PCDHA7: variants seen among roughly 807,000 people sequenced by gnomAD.
PCDHA7 encodes protocadherin alpha-7.
In PCDHA7, 37 loss-of-function variants were observed where a neutral mutation model predicts 57.2. The ratio of observed to expected loss-of-function variants is 0.65; its 90% CI spans 0.50 to 0.85. The LOEUF (loss-of-function observed/expected upper bound fraction) is 0.85, where lower values mean the gene tolerates loss of function less well. Ranked by LOEUF, PCDHA7 falls within the 40% of genes least tolerant of loss-of-function variation. The probability of loss-of-function intolerance (pLI) is 0.00; values close to 1 mark genes in which losing one functional copy is unlikely to be tolerated. For missense variants in PCDHA7, 1,188 were observed against 1,241.8 expected (o/e 0.96, Z 0.65); for synonymous variants, 553 against 558.8 (o/e 0.99, Z 0.15).
At chr5:140,869,296 C>G (rs782726122) in intron 1 of PCDHA7, 2 of 1,613,602 alleles carry the variant, frequency 1.2e-6, no homozygotes, top group South Asian at 1.1e-5. Flanking sequence ...GCGCCTGTTC[C>G]GGGTGGCGTC....
intron 3 of PCDHA7, among the ~76,000 whole-genome samples, chr5:141,006,182 T>G (rs1388785445): frequency 1.3e-5 from 2 of 151,170 alleles, no homozygotes; most frequent in Non-Finnish European, 2.9e-5. Flanking sequence ...TTTAAAAGAG[T>G]TTGCTATATG....
intron 1 of PCDHA7, among the ~76,000 whole-genome samples, chr5:140,926,042 T>A (rs1316278838): frequency 2.0e-5 from 3 of 152,148 alleles, no homozygotes; most frequent in African/African-American, 7.2e-5. Context: ...CGGACACTAT[T>A]CCCCAACCTT....
At position 140,855,056 on chromosome 5, in the gene PCDHA7, G is replaced by A. The variant is rs1045590902; in HGVS notation, c.2355+18318G>A. The stretch of plus-strand genomic sequence containing the variant: ...GATTTTTCTGTAATAGTACTTTTCT[G>A]TTTTCTTAAATACAGAAACCACCAC... On this transcript the variant is annotated intron_variant, in intron 1 of 3. Coordinates refer to ENST00000525929, the MANE Select transcript of PCDHA7 (RefSeq NM_018910.3). Among the ~76,000 whole-genome samples, 11 of 149,630 alleles carry A rather than the reference G, an allele frequency of 7.4e-5. 2 individuals are homozygous for A. The highest frequency in any genetic ancestry group is 1.6e-4 in the Non-Finnish European group (11 of 66,976).
At chr5:140,875,685 C>G (rs563250653) in intron 1 of PCDHA7, 1 of 1,613,816 alleles carries the variant, frequency 6.2e-7, no homozygotes. Context: ...CCAAAAGACA[C>G]GGGGACCTTC....
At chr5:140,966,697 G>T (rs2096039921) in intron 1 of PCDHA7, 1 of 1,363,184 alleles carries the variant, frequency 7.3e-7, no homozygotes, top group Admixed American at 3.6e-5. Context: ...GCGGGGCCCG[G>T]GCGTGGGGCA....
Position 140,835,484 on chromosome 5 carries a change from C to A in PCDHA7, c.1101C>A (p.Thr367=), listed in dbSNP as rs2150236532. Residue 367 remains threonine, a synonymous_variant, in exon 1 of 4, where the codon ACC becomes ACA. Coordinates refer to ENST00000525929, the MANE Select transcript of PCDHA7 (RefSeq NM_018910.3). ...LPIPEDAQPG[T]VITLISVFDR... ...TTCCAGAGGACGCCCAACCAGGTAC[C>A]GTCATCACATTGATTAGCGTGTTTG... The A allele has an allele frequency of 3.7e-6, 6 of 1,613,808 alleles. No individual in the cohort carries two copies. The African/African-American group carries it at 6.7e-5, about 18-fold the overall frequency.
Position 140,834,669 on chromosome 5 carries a change from T to G in PCDHA7, c.286T>G (p.Cys96Gly), listed in dbSNP as rs2150223867. ...VNSRIDREEL[C>G]GRSAECSIHL... ...TTCTCGGATCGACCGCGAGGAGCTG[T>G]GCGGGCGGAGCGCGGAGTGCAGCAT... The change falls in exon 1 of 4, where the codon TGC (cysteine) becomes GGC (glycine). Residue 96 changes from cysteine to glycine, a missense_variant. By Grantham distance (159) the Cys-to-Gly change is radical (BLOSUM62 -3). Around this residue, in one of 3 missense-constraint regions of PCDHA7, gnomAD observed 194 missense variants for 185.8 expected, o/e 1.04. Transcript: ENST00000525929. The G allele has an allele frequency of 6.2e-7, 1 of 1,614,208 alleles. No homozygotes were observed. The highest frequency in any genetic ancestry group is 2.2e-5 in the East Asian group (1 of 44,886).
chr5:140,952,338 CAAA>C (rs55931446), intron 1 of PCDHA7, among the ~76,000 whole-genome samples: 80,539 of 134,836 alleles, frequency 0.6, 22,945 homozygotes, highest in African/African-American at 0.71. Context: ...AACTCCATCT[CAAA>C]AAAAAAAAAA....
chr5:140,950,473 G>T (rs2094486830), intron 1 of PCDHA7, among the ~76,000 whole-genome samples: 1 of 152,010 alleles, frequency 6.6e-6, no homozygotes, highest in African/African-American at 2.4e-5. Context: ...CATAGTTTCT[G>T]ATGAGAAGTG....
rs375455658 is a variant in PCDHA7, at chr5:140,863,185, G to T, written c.2355+26447G>T. 4.3e-3 allele frequency: 3,329 copies of T among 772,160 alleles called. 69 individuals are homozygous for T. Among genetic ancestry groups the T allele is most frequent in the South Asian group, 0.037 (2,838 of 76,536 alleles). 47.8% of individuals were successfully genotyped at this position (772,160 alleles called of 1,614,324 possible). A position where few individuals can be genotyped will look rare whatever the true frequency, so the allele number is the denominator to read the frequency against. ...GCTGGCGCTGACTGCCACCGTCACC[G>T]TGGTGGCGTCGCTGGCGGAGAGCAG... On this transcript the variant is annotated intron_variant, in intron 1 of 3. Transcript: ENST00000525929.
chr5:140,976,691 C>T (rs1219355793), intron 1 of PCDHA7, among the ~76,000 whole-genome samples: 1 of 152,126 alleles, frequency 6.6e-6, no homozygotes, highest in Non-Finnish European at 1.5e-5. Context: ...AATTTAAGTA[C>T]AATAATGTTG....
chr5:140,927,601 G>C lies in PCDHA7; in HGVS notation c.2356-51348G>C, dbSNP rs1490799029. 27 of 1,614,082 alleles carry C rather than the reference G, an allele frequency of 1.7e-5. No individual in the cohort carries two copies. Among genetic ancestry groups the C allele is most frequent in the Non-Finnish European group, 2.3e-5 (27 of 1,180,040 alleles). Reference sequence around the variant, plus strand: ...CAACGCGCCTGTATTTGAGCGCTCCGTATACCGCACCAAGGTTCCAGAGAC... The same window carrying C: ...CAACGCGCCTGTATTTGAGCGCTCCCTATACCGCACCAAGGTTCCAGAGAC... On this transcript the variant is annotated intron_variant, in intron 1 of 3. Transcript: ENST00000525929.
intron 1 of PCDHA7, among the ~76,000 whole-genome samples, chr5:140,894,303 A>G (rs1386163832): frequency 2.0e-5 from 3 of 151,922 alleles, no homozygotes; most frequent in Admixed American, 6.6e-5. Context: ...TTTCCTGGAA[A>G]GTTTTCTTAA....
At chr5:140,910,935 C>T (rs192394348) in intron 1 of PCDHA7, among the ~76,000 whole-genome samples, 4 of 152,192 alleles carry the variant, frequency 2.6e-5, no homozygotes, top group African/African-American at 9.6e-5. Context: ...TAAGAAAGCT[C>T]AAGCAGTTCT....
At chr5:141,000,421 A>ATATTTTTTTTTTT (rs1265241806) in intron 3 of PCDHA7, among the ~76,000 whole-genome samples, 1 of 27,968 alleles carries the variant, frequency 3.6e-5, no homozygotes, top group African/African-American at 1.8e-4. Flanking sequence ...ATATATATAT[A>ATATTTTTTTTTTT]TTTTTTTTTT....
chr5:140,908,405 C>T (rs2073952752), intron 1 of PCDHA7, among the ~76,000 whole-genome samples: 1 of 152,150 alleles, frequency 6.6e-6, no homozygotes, highest in Non-Finnish European at 1.5e-5. Flanking sequence ...ATACCACTTC[C>T]ATTTGATGAT....
chr5:140,956,599 G>A (rs782510228), intron 1 of PCDHA7, among the ~76,000 whole-genome samples: 4 of 152,186 alleles, frequency 2.6e-5, no homozygotes, highest in Non-Finnish European at 5.9e-5. Flanking sequence ...AGGGATATCA[G>A]CTGGAAGTTT....
chr5:140,843,689 G>A lies in PCDHA7; in HGVS notation c.2355+6951G>A, dbSNP rs2150365146. 5 of 1,587,152 alleles carry A rather than the reference G, an allele frequency of 3.2e-6. 1 individual carries two copies. The highest frequency in any genetic ancestry group is 4.3e-6 in the Non-Finnish European group (5 of 1,157,468). On this transcript the variant is annotated intron_variant, in intron 1 of 3. Coordinates refer to ENST00000525929, the MANE Select transcript of PCDHA7 (RefSeq NM_018910.3). ...ATCAGTTGATGTAGGCGAAGAGCAAGATTTAAATGTTGATCATGGCCTCAA... is the reference window on the plus strand; with the variant it reads ...ATCAGTTGATGTAGGCGAAGAGCAAAATTTAAATGTTGATCATGGCCTCAA...
intron 1 of PCDHA7, chr5:140,871,446 A>C (rs1554165605): frequency 6.2e-7 from 1 of 1,610,058 alleles, no homozygotes; most frequent in Non-Finnish European, 8.5e-7. Context: ...GTCTGAATAA[A>C]GAGGAGGAAG....
Sources: allele counts gnomAD v4.1 joint callset (sites outside exome capture counted in the v4.1 genomes callset), GRCh38; gene constraint gnomAD v4.1.1; regional missense constraint gnomAD v4.1.1; transcripts MANE v1.5; gene names NCBI Gene and HGNC (gene_info 2026-07-23, HGNC 2026-07-21).